Variants in NOS1AP observed in about 807,000 individuals in gnomAD.
NOS1AP encodes carboxyl-terminal PDZ ligand of neuronal nitric oxide synthase protein.
In NOS1AP, 21 loss-of-function variants were observed where a neutral mutation model predicts 56.2. That is an observed-to-expected ratio of 0.37 (90% CI 0.26 to 0.54). The LOEUF (loss-of-function observed/expected upper bound fraction) is 0.54, where lower values mean the gene tolerates loss of function less well. Ranked by LOEUF, NOS1AP falls within the 20% of genes least tolerant of loss-of-function variation. The pLI is 0.84. For synonymous variants in NOS1AP, 270 were observed against 274.6 expected, an observed-to-expected ratio of 0.98 and a Z score of 0.17; for missense variants, 522 against 657.8, an observed-to-expected ratio of 0.79 and a Z score of 2.26.
At chr1:162,146,765 G>T (rs2102083315) in intron 1 of NOS1AP, among the ~76,000 whole-genome samples, 1 of 152,298 alleles carries the variant, frequency 6.6e-6, no homozygotes, top group South Asian at 2.1e-4. Flanking sequence ...AAATTGAGAG[G>T]CAAGGCCAGA....
At chr1:162,078,855 G>A (rs1472997581) in intron 1 of NOS1AP, among the ~76,000 whole-genome samples, 1 of 152,118 alleles carries the variant, frequency 6.6e-6, no homozygotes. Flanking sequence ...TCTGTGAAGT[G>A]GATGTTACCA....
At chr1:162,224,630 A>G (rs896886039) in intron 2 of NOS1AP, among the ~76,000 whole-genome samples, 3 of 152,224 alleles carry the variant, frequency 2.0e-5, no homozygotes, top group Non-Finnish European at 2.9e-5. Context: ...CTAATTAAAC[A>G]TGAAATAAAA....
At chr1:162,183,472 T>C (rs1358110074) in intron 2 of NOS1AP, among the ~76,000 whole-genome samples, 1 of 152,210 alleles carries the variant, frequency 6.6e-6, no homozygotes, top group Non-Finnish European at 1.5e-5. Context: ...AAACCAGTTA[T>C]TGATTTCTCT....
At chr1:162,233,434 T>C (rs1571147951) in intron 2 of NOS1AP, among the ~76,000 whole-genome samples, 1 of 152,300 alleles carries the variant, frequency 6.6e-6, no homozygotes, top group East Asian at 1.9e-4. Context: ...TTGAGGTATG[T>C]CTTTAAAAAT....
chr1:162,263,495 A>AT (rs1160254694), intron 2 of NOS1AP, among the ~76,000 whole-genome samples: 1 of 152,200 alleles, frequency 6.6e-6, no homozygotes, highest in Non-Finnish European at 1.5e-5. Context: ...TAACACATAA[A>AT]TTTCTGAGAG....
chr1:162,246,318 T>C (rs1355814434), intron 2 of NOS1AP, among the ~76,000 whole-genome samples: 1 of 152,142 alleles, frequency 6.6e-6, no homozygotes, highest in African/African-American at 2.4e-5. Context: ...AGAAAGACAA[T>C]GTGCAGGGAC....
At chr1:162,236,643 GC>G (rs58907150) in intron 2 of NOS1AP, among the ~76,000 whole-genome samples, 69,162 of 152,022 alleles carry the variant, frequency 0.45, 17,166 homozygotes, top group Non-Finnish European at 0.58. Context: ...GAACACTCCA[GC>G]CCCCCTTTCC....
intron 1 of NOS1AP, among the ~76,000 whole-genome samples, chr1:162,133,678 T>C (rs543700579): frequency 6.6e-6 from 1 of 152,356 alleles, no homozygotes; most frequent in African/African-American, 2.4e-5. Flanking sequence ...AGCATTTTAT[T>C]GGACTATTTT....
At chr1:162,217,569 T>G (rs999562453) in intron 2 of NOS1AP, among the ~76,000 whole-genome samples, 54 of 152,074 alleles carry the variant, frequency 3.6e-4, no homozygotes, top group African/African-American at 1.2e-3. Context: ...CTGGCCTTGT[T>G]GTTGGCTTTT....
At chr1:162,267,441 G>A (rs1654458295) in intron 2 of NOS1AP, among the ~76,000 whole-genome samples, 1 of 152,068 alleles carries the variant, frequency 6.6e-6, no homozygotes, top group African/African-American at 2.4e-5. Context: ...AGAAGAAACA[G>A]TCAATAAAGA....
chr1:162,259,181 G>A (rs1571168070), intron 2 of NOS1AP, among the ~76,000 whole-genome samples: 1 of 152,158 alleles, frequency 6.6e-6, no homozygotes, highest in African/African-American at 2.4e-5. Context: ...TCTTTTGTGA[G>A]TTAGATTGCT....
chr1:162,353,715 C>T (rs1460634741), intron 6 of NOS1AP, among the ~76,000 whole-genome samples: 2 of 152,230 alleles, frequency 1.3e-5, no homozygotes, highest in African/African-American at 4.8e-5. Flanking sequence ...CCCAGCTTCT[C>T]CTGATCACTG....
chr1:162,345,150 T>C (rs1241669665), intron 6 of NOS1AP, among the ~76,000 whole-genome samples: 2 of 126,918 alleles, frequency 1.6e-5, no homozygotes, highest in African/African-American at 5.5e-5. Flanking sequence ...ACAGATTTCT[T>C]TTCTTTTTTT....
chr1:162,183,345 C>A (rs1436496570), intron 2 of NOS1AP, among the ~76,000 whole-genome samples: 1 of 152,212 alleles, frequency 6.6e-6, no homozygotes, highest in Non-Finnish European at 1.5e-5. Flanking sequence ...TTATAGAGAA[C>A]ATGCAGACTT....
At chr1:162,325,619 C>T (rs74933662) in intron 4 of NOS1AP, among the ~76,000 whole-genome samples, 6,920 of 152,122 alleles carry the variant, frequency 0.045, 445 homozygotes, top group African/African-American at 0.14. Context: ...TTTCCCAGGA[C>T]CATGCCTTCA....
intron 4 of NOS1AP, chr1:162,317,279 CGTCCAGG>C (rs1258573163): frequency 6.6e-6 from 1 of 152,264 alleles, no homozygotes; most frequent in African/African-American, 2.4e-5. Context: ...TCGGAGCAGC[CGTCCAGG>C]GTCTGGGCCA....
chr1:162,357,870 G>A (rs769417858), intron 8 of NOS1AP, among the ~76,000 whole-genome samples: 1 of 149,870 alleles, frequency 6.7e-6, no homozygotes, highest in Non-Finnish European at 1.5e-5. Flanking sequence ...TATAGAGGGC[G>A]CTGTAGTCCA....
At chr1:162,278,487 G>A (rs200071375) in intron 2 of NOS1AP, among the ~76,000 whole-genome samples, 4 of 152,112 alleles carry the variant, frequency 2.6e-5, no homozygotes, top group Non-Finnish European at 4.4e-5. Context: ...ATAGTGAGAG[G>A]TGCTGGGAGG....
chr1:162,136,154 T>C (rs1196801139), intron 1 of NOS1AP, among the ~76,000 whole-genome samples: 1 of 152,020 alleles, frequency 6.6e-6, no homozygotes, highest in Non-Finnish European at 1.5e-5. Flanking sequence ...AGTCAGGGAG[T>C]GCTTCACAGG....
Sources: allele counts gnomAD v4.1 joint callset (sites outside exome capture counted in the v4.1 genomes callset), GRCh38; gene constraint gnomAD v4.1.1; transcripts MANE v1.5; gene names NCBI Gene and HGNC (gene_info 2026-07-23, HGNC 2026-07-21).